Variants in FANCI observed in about 807,000 individuals in gnomAD.
The protein encoded by FANCI is Fanconi anemia group I protein.
In FANCI, 156 loss-of-function variants were observed where a neutral mutation model predicts 176.1. The observed-to-expected ratio is 0.89, with a 90% CI of 0.78 to 1.01. FANCI has a LOEUF of 1.01. Among genes scored for constraint, FANCI ranks in the 50% least tolerant of loss-of-function variants. The probability of loss-of-function intolerance (pLI) is 0.00; values close to 1 mark genes in which losing one functional copy is unlikely to be tolerated. For synonymous variants in FANCI, 613 were observed against 541.7 expected (o/e 1.13, Z -1.83); for missense variants, 1,678 against 1,534.1 (o/e 1.09, Z -1.57).
chr15:89,291,529 A>T (rs948615495), intron 19 of FANCI, 84 bp from the exon 20 acceptor site: 1 of 1,089,382 alleles, frequency 9.2e-7, no homozygotes, highest in Non-Finnish European at 1.4e-6. Context: ...GGCATTAGAC[A>T]TTAAAGATAC....
Position 89,316,772 on chromosome 15 carries a change from TTTTTCCAA to T in FANCI, c.*314_*321del. 6.2e-7 allele frequency: 1 copy of T among 1,613,494 alleles called. No homozygotes were observed. The highest frequency in any genetic ancestry group is 8.5e-7 in the Non-Finnish European group (1 of 1,179,456). On this transcript the variant is annotated 3_prime_UTR_variant, in exon 38 of 38. Transcript: ENST00000310775. ...AGTGCTATGGTCCAGGCTGGCTTCGTTTTTCCAAGGAGCCTTTGGTGAGTTCAATTATC... is the reference window on the plus strand; with the variant it reads ...AGTGCTATGGTCCAGGCTGGCTTCGTGGAGCCTTTGGTGAGTTCAATTATC...
intron 10 of FANCI, among the ~76,000 whole-genome samples, chr15:89,270,936 G>A (rs2053176028): frequency 6.6e-6 from 1 of 152,132 alleles, no homozygotes; most frequent in Non-Finnish European, 1.5e-5. Flanking sequence ...CATAATCTGA[G>A]TAGGCTTTAA....
intron 3 of FANCI, 50 bp downstream of exon 3, chr15:89,258,826 A>G: frequency 5.1e-6 from 7 of 1,374,096 alleles, no homozygotes; most frequent in Non-Finnish European, 7.3e-6. Flanking sequence ...TCATTGGTAG[A>G]TTTGTTTAGT....
chr15:89,249,887 G>C (rs1436898182), intron 2 of FANCI, among the ~76,000 whole-genome samples: 1 of 152,146 alleles, frequency 6.6e-6, no homozygotes, highest in Non-Finnish European at 1.5e-5. Context: ...TATATGCAGA[G>C]AACTTTGATA....
At position 89,264,623 on chromosome 15, in the gene FANCI, T is replaced by C. The variant is rs746353886; in HGVS notation, c.755+16T>C. 18 of 1,600,504 alleles carry C rather than the reference T, an allele frequency of 1.1e-5. No homozygotes were observed. Among genetic ancestry groups the C allele is most frequent in the Non-Finnish European group, 1.5e-5 (18 of 1,168,462 alleles). On this transcript the variant is annotated intron_variant, in intron 9 of 37. Transcript: ENST00000310775. ...GTGGTGACGAGTGAGTAATATAGTG[T>C]AGAAATAAAGATCATTTTTACAAAT... is the stretch of plus-strand genomic sequence containing the variant.
At chr15:89,264,123 A>G (rs1242118013) in intron 8 of FANCI, 97 bp downstream of exon 8, 6 of 1,290,952 alleles carry the variant, frequency 4.6e-6, no homozygotes, top group Non-Finnish European at 6.7e-6. Context: ...CAGAGCAAAC[A>G]TAGCCGAACA....
Position 89,290,444 on chromosome 15 carries a change from C to T in FANCI, c.1890+163C>T, listed in dbSNP as rs564336947. On this transcript the variant is annotated intron_variant, in intron 19 of 37. Coordinates refer to ENST00000310775, the MANE Select transcript of FANCI (RefSeq NM_001113378.2). ...TATGCTGTTCTGGGTTGTCTTATCT[C>T]GGTCACCACTTACCTGTCTGCCATA... 124 of 641,532 alleles carry T rather than the reference C, an allele frequency of 1.9e-4. 1 individual carries two copies. Among genetic ancestry groups the T allele is most frequent in the South Asian group, 1.6e-3 (95 of 58,148 alleles). The allele number at this position is 641,532 out of a possible 1,614,324, so 39.7% of individuals were successfully genotyped here. A position where few individuals can be genotyped will look rare whatever the true frequency, so the allele number is the denominator to read the frequency against.
chr15:89,245,737 TA>T (rs1223153870), intron 1 of FANCI: 3 of 152,186 alleles, frequency 2.0e-5, no homozygotes, highest in Non-Finnish European at 2.9e-5. Flanking sequence ...TTGCAGGACT[TA>T]TTTTATCCTT....
chr15:89,246,772 T>C (rs1423817541), intron 1 of FANCI, among the ~76,000 whole-genome samples: 1 of 143,418 alleles, frequency 7.0e-6, no homozygotes, highest in Non-Finnish European at 1.5e-5. Flanking sequence ...TCTTTTTTTT[T>C]TTTTTTTTTT....
chr15:89,308,507 AATT>A (rs1318512619), intron 34 of FANCI, among the ~76,000 whole-genome samples: 1 of 152,186 alleles, frequency 6.6e-6, no homozygotes, highest in Non-Finnish European at 1.5e-5. Context: ...TTCTAGAACC[AATT>A]ATTAAAGCAA....
chr15:89,279,964 A>T (rs1478386375), intron 14 of FANCI, among the ~76,000 whole-genome samples: 2 of 152,196 alleles, frequency 1.3e-5, no homozygotes, highest in African/African-American at 4.8e-5. Flanking sequence ...GTATTCCTAA[A>T]ATACCACCTT....
chr15:89,260,901 G>A, intron 4 of FANCI, 58 bp downstream of exon 4: 1 of 1,600,266 alleles, frequency 6.2e-7, no homozygotes. Flanking sequence ...TTTGTAATTT[G>A]TTGAGGGAAG....
chr15:89,315,119 T>C (rs1030020208), intron 36 of FANCI, among the ~76,000 whole-genome samples, 163 bp from the exon 37 acceptor site: 1 of 152,124 alleles, frequency 6.6e-6, no homozygotes, highest in Non-Finnish European at 1.5e-5. Context: ...TCTTTGCTGT[T>C]CTTGATCTGA....
In FANCI at chr15:89,281,312, G is replaced by A. The variant is rs2053605360; in HGVS notation, c.1512+12G>A. Reference sequence around the variant, plus strand: ...TTAAGGCAGTGCAGGTAAGTCTTCAGATTCCCAAGTAACTTGCCAAAACTG... The same window carrying A: ...TTAAGGCAGTGCAGGTAAGTCTTCAAATTCCCAAGTAACTTGCCAAAACTG... On this transcript the variant is annotated intron_variant, in intron 15 of 37. Transcript: ENST00000310775. 6.2e-7 allele frequency: 1 copy of A among 1,613,354 alleles called. No individual in the cohort carries two copies. Among genetic ancestry groups the A allele is most frequent in the Admixed American group, 1.7e-5 (1 of 59,998 alleles).
Position 89,274,157 on chromosome 15 carries a change from C to T in FANCI, c.976-11C>T. 1.3e-6 allele frequency: 2 copies of T among 1,531,590 alleles called. No homozygotes were observed. Among genetic ancestry groups the T allele is most frequent in the Non-Finnish European group, 1.8e-6 (2 of 1,132,402 alleles). 94.9% of individuals were successfully genotyped at this position (1,531,590 alleles called of 1,614,324 possible). Reference sequence around the variant, plus strand: ...TTATTTTTTCATTTATTTTTATTAACTATACTCAAGGTGCTTGATCTTTTA... The same window carrying T: ...TTATTTTTTCATTTATTTTTATTAATTATACTCAAGGTGCTTGATCTTTTA... On this transcript the variant is annotated splice_polypyrimidine_tract_variant and intron_variant, in intron 11 of 37. Coordinates refer to ENST00000310775, the MANE Select transcript of FANCI (RefSeq NM_001113378.2).
chr15:89,277,042 CATT>C (rs2053435687), intron 13 of FANCI, 151 bp downstream of exon 13: 14 of 786,312 alleles, frequency 1.8e-5, no homozygotes, highest in South Asian at 1.8e-4. Context: ...AATATTGAAA[CATT>C]ATAGATCCAG....
At chr15:89,311,897 G>A (rs2054979657) in intron 34 of FANCI, among the ~76,000 whole-genome samples, 1 of 152,124 alleles carries the variant, frequency 6.6e-6, no homozygotes, top group African/African-American at 2.4e-5. Flanking sequence ...TTACATTTGG[G>A]TGGTTTTTCT....
At chr15:89,297,455 C>T (rs2054343454) in intron 24 of FANCI, among the ~76,000 whole-genome samples, 1 of 152,136 alleles carries the variant, frequency 6.6e-6, no homozygotes, top group Non-Finnish European at 1.5e-5. Context: ...CGCCACTGCA[C>T]TCCAGCCTGG....
Position 89,261,815 on chromosome 15 carries a change from T to G in FANCI, c.446-6T>G, listed in dbSNP as rs377255054. ...ATTCATTGCTCAGTATATTTTGCAT[T>G]TCTAGGTGTACTGAGTGGGGAAGAA... On this transcript the variant is annotated splice_polypyrimidine_tract_variant and splice_region_variant and intron_variant, in intron 5 of 37. Coordinates refer to ENST00000310775, the MANE Select transcript of FANCI (RefSeq NM_001113378.2). 1.9e-4 allele frequency: 303 copies of G among 1,614,026 alleles called. 1 individual carries two copies. Among genetic ancestry groups the G allele is most frequent in the Non-Finnish European group, 2.1e-4 (244 of 1,180,006 alleles).
Sources: gnomAD v4.1 joint callset for allele counts (sites outside exome capture counted in the v4.1 genomes callset) on GRCh38, gnomAD v4.1.1 for gene constraint, MANE v1.5 for transcripts, NCBI Gene and HGNC (gene_info 2026-07-23, HGNC 2026-07-21) for gene names.